DIP2A: variants seen among roughly 807,000 people sequenced by gnomAD.
The protein encoded by DIP2A is DIP2 acetate--CoA ligase A.
A neutral mutation model predicts 177.4 loss-of-function variants in DIP2A; 85 were observed. The observed-to-expected ratio is 0.48, with a 90% CI of 0.40 to 0.57. The LOEUF is 0.57. DIP2A is among the 20% of genes least tolerant of loss of function. The pLI is 0.00. For missense variants in DIP2A, 1,791 were observed against 2,100.2 expected, an observed-to-expected ratio of 0.85 and a Z score of 2.88; for synonymous variants, 886 against 881.8, an observed-to-expected ratio of 1.00 and a Z score of -0.08.
rs917163764 is a variant in DIP2A, at chr21:46,568,706, C to T, written c.*1084C>T. 16 of 152,178 alleles carry T rather than the reference C, an allele frequency of 1.1e-4. No individual in the cohort carries two copies. The highest frequency in any genetic ancestry group is 3.9e-4 in the African/African-American group (16 of 41,430). 9.4% of individuals were successfully genotyped at this position (152,178 alleles called of 1,614,324 possible). ...TAAATTGCTAGTTTTCCTAACACTA[C>T]AATATTAATTCTTCTCGTGGAAGTG... On this transcript the variant is annotated 3_prime_UTR_variant, in exon 38 of 38. Coordinates refer to ENST00000417564, the MANE Select transcript of DIP2A (RefSeq NM_015151.4).
At chr21:46,581,304 A>G in the DIP2A span, among the ~76,000 whole-genome samples, 24 of 152,304 alleles carry the variant, frequency 1.6e-4, 1 homozygote, top group Non-Finnish European at 1.5e-5. Flanking sequence ...CAGATCATTT[A>G]TGTTCCTCTG....
chr21:46,464,487 G>A (rs1224685004), intron 1 of DIP2A, among the ~76,000 whole-genome samples: 1 of 152,174 alleles, frequency 6.6e-6, no homozygotes, highest in Non-Finnish European at 1.5e-5. Context: ...TGTTGTGTTT[G>A]TGTTCTATAA....
chr21:46,520,821 C>A (rs6518300), intron 8 of DIP2A, among the ~76,000 whole-genome samples: 54,101 of 152,034 alleles, frequency 0.36, 9,979 homozygotes, highest in Middle Eastern at 0.45. Flanking sequence ...AAGAAAGCCA[C>A]GCATCATTTC....
At chr21:46,529,928 C>G (rs2059285949) in intron 9 of DIP2A, among the ~76,000 whole-genome samples, 2 of 152,120 alleles carry the variant, frequency 1.3e-5, no homozygotes, top group African/African-American at 4.8e-5. Flanking sequence ...GCTACACTGC[C>G]CTATATGGTT....
At chr21:46,459,372 T>C (rs1601259142) in intron 1 of DIP2A, 150 bp downstream of exon 1, 2 of 498,822 alleles carry the variant, frequency 4.0e-6, no homozygotes, top group Non-Finnish European at 3.1e-6. Context: ...CCCTGGGACC[T>C]CTGCCCCTCA....
chr21:46,506,955 G>A (rs1391155333), intron 6 of DIP2A, among the ~76,000 whole-genome samples: 1 of 151,352 alleles, frequency 6.6e-6, no homozygotes, highest in Admixed American at 6.6e-5. Flanking sequence ...CATGTGCCAC[G>A]ATGCCTGGCT....
chr21:46,536,670 G>T (rs1024589397), intron 13 of DIP2A, among the ~76,000 whole-genome samples: 1 of 152,204 alleles, frequency 6.6e-6, no homozygotes, highest in African/African-American at 2.4e-5. Context: ...TTGGGAGGCT[G>T]AGACGGGCAG....
intron 5 of DIP2A, among the ~76,000 whole-genome samples, chr21:46,501,059 ATAGT>A (rs375842166): frequency 2.8e-4 from 43 of 152,334 alleles, no homozygotes; most frequent in African/African-American, 9.9e-4. Flanking sequence ...AATGTTGGAC[ATAGT>A]TAATTTGAAT....
rs1569043246 is a variant in DIP2A at position 46,528,568 on chromosome 21, T to TTTTTTTTTTTTTTTA, written c.1103-524_1103-523insTTTTTTTTTTTTTTA. 1.1e-4 allele frequency among the ~76,000 whole-genome samples: 10 copies of TTTTTTTTTTTTTTTA among 90,636 alleles called. 1 individual carries two copies. The highest frequency in any genetic ancestry group is 2.1e-4 in the Non-Finnish European group (9 of 42,832). 59.5% of individuals were successfully genotyped at this position (90,636 alleles called of 152,430 possible). ...TTTTTTTTTTTTTTTTTTTTTTTTT[T>TTTTTTTTTTTTTTTA]AGATAATGTCTTTATTGCCCAGGCT... On this transcript the variant is annotated intron_variant, in intron 8 of 37. Coordinates refer to ENST00000417564, the MANE Select transcript of DIP2A (RefSeq NM_015151.4).
At chr21:46,572,616 G>T (rs965722771), downstream of DIP2A, among the ~76,000 whole-genome samples, 4 of 152,178 alleles carry the variant, frequency 2.6e-5, no homozygotes, top group Non-Finnish European at 5.9e-5. Flanking sequence ...CCCACCATAT[G>T]ATGCCCTGCA....
rs1358172704 is a variant in DIP2A, at chr21:46,458,958, G to C, written c.-174G>C. 5 of 405,850 alleles carry C rather than the reference G, an allele frequency of 1.2e-5. No individual in the cohort carries two copies. Among genetic ancestry groups the C allele is most frequent in the South Asian group, 1.0e-4 (1 of 9,678 alleles). 25.1% of individuals were successfully genotyped at this position (405,850 alleles called of 1,614,324 possible). A position where few individuals can be genotyped will look rare whatever the true frequency, so the allele number is the denominator to read the frequency against. ...CGGCGCGGCGGAGCCATCCGCGCTC[G>C]TGCCCGCGCGGGTGCGTTGCTGTCC... On this transcript the variant is annotated 5_prime_UTR_variant, in exon 1 of 38. Coordinates refer to ENST00000417564, the MANE Select transcript of DIP2A (RefSeq NM_015151.4).
chr21:46,482,176 G>C (rs1369961465), intron 1 of DIP2A, among the ~76,000 whole-genome samples: 1 of 152,200 alleles, frequency 6.6e-6, no homozygotes, highest in Admixed American at 6.5e-5. Flanking sequence ...TACCAGTCAG[G>C]AATGAAAGAG....
At chr21:46,464,844 T>TTTTTTTCCC (rs58546395) in intron 1 of DIP2A, among the ~76,000 whole-genome samples, 1 of 111,218 alleles carries the variant, frequency 9.0e-6, no homozygotes, top group African/African-American at 4.2e-5. Context: ...TTTTTTTTTT[T>TTTTTTTCCC]CAAGAAAACA....
chr21:46,550,382 AC>A (rs2060226768), intron 22 of DIP2A, among the ~76,000 whole-genome samples, 160 bp from the exon 23 acceptor site: 1 of 152,170 alleles, frequency 6.6e-6, no homozygotes, highest in South Asian at 2.1e-4. Flanking sequence ...AACTGCACAC[AC>A]TTCTCTTCAT....
chr21:46,545,650 C>T (rs1307185810), intron 19 of DIP2A, among the ~76,000 whole-genome samples: 2 of 152,202 alleles, frequency 1.3e-5, no homozygotes, highest in African/African-American at 4.8e-5. Context: ...TCTAGGGAGG[C>T]CAGGCACCCA....
chr21:46,534,196 A>C, intron 12 of DIP2A, 83 bp downstream of exon 12: 1 of 1,158,776 alleles, frequency 8.6e-7, no homozygotes, highest in Non-Finnish European at 1.3e-6. Context: ...GTAAGTTGCT[A>C]TTCTTTTTTG....
intron 6 of DIP2A, among the ~76,000 whole-genome samples, chr21:46,507,456 A>G (rs912257178): frequency 6.6e-6 from 1 of 152,148 alleles, no homozygotes; most frequent in African/African-American, 2.4e-5. Context: ...AGCATCATTT[A>G]TAATAAAGAC....
chr21:46,477,574 T>TGTGTGTGTGTG (rs1292980032), intron 1 of DIP2A, among the ~76,000 whole-genome samples: 34 of 93,738 alleles, frequency 3.6e-4, no homozygotes, highest in Non-Finnish European at 5.8e-4. Context: ...TGTGTATTTC[T>TGTGTGTGTGTG]TTTTTTTTTT....
intron 10 of DIP2A, among the ~76,000 whole-genome samples, 163 bp from the exon 11 acceptor site, chr21:46,533,361 C>T (rs959260668): frequency 6.6e-5 from 10 of 152,068 alleles, no homozygotes; most frequent in Non-Finnish European, 8.8e-5. Flanking sequence ...GAACTATTTC[C>T]GTGAAAAGAT....
Sources: gnomAD v4.1 joint callset for allele counts (sites outside exome capture counted in the v4.1 genomes callset) on GRCh38, gnomAD v4.1.1 for gene constraint, MANE v1.5 for transcripts, NCBI Gene and HGNC (gene_info 2026-07-23, HGNC 2026-07-21) for gene names.